RORC: variants seen among roughly 807,000 people sequenced by gnomAD.
RORC encodes the protein nuclear receptor ROR-gamma.
RORC carries 13 observed loss-of-function variants against 64.5 expected under a neutral mutation model. The observed-to-expected ratio is 0.20, with a 90% CI of 0.13 to 0.32. The LOEUF (loss-of-function observed/expected upper bound fraction) is 0.32. RORC is among the 10% of genes least tolerant of loss of function. The pLI, the probability that RORC is intolerant of heterozygous loss-of-function variation, is 1.00. For synonymous variants in RORC, 277 were observed against 259.3 expected (o/e 1.07, Z -0.65); for missense variants, 468 against 669.5 (o/e 0.70, Z 3.32).
Position 151,814,690 on chromosome 1 carries a change from G to C in RORC, c.817C>G (p.Leu273Val). ...TAGGACTTGCAGACGCTCTGCACCA[G>C]GTGCTCTGGGGCCGGAGAAGGAAGG... is the stretch of plus-strand genomic sequence containing the variant. Reference protein sequence around the residue: ...PYASLTEIEHLVQSVCKSYRE... With the variant: ...PYASLTEIEHVVQSVCKSYRE... The change falls in exon 6 of 11, where the codon CTG (leucine) becomes GTG (valine). Residue 273 changes from leucine to valine, a missense_variant. This residue lies in a region of RORC where 241 missense variants were observed against 295.5 expected (regional missense o/e 0.82). Coordinates refer to ENST00000318247, the MANE Select transcript of RORC (RefSeq NM_005060.4). 6.2e-7 allele frequency: 1 copy of C among 1,606,044 alleles called. No individual in the cohort carries two copies. Among genetic ancestry groups the C allele is most frequent in the Non-Finnish European group, 8.5e-7 (1 of 1,173,770 alleles).
intron 2 of RORC, among the ~76,000 whole-genome samples, chr1:151,826,470 G>T (rs986336148): frequency 3.3e-5 from 5 of 152,184 alleles, no homozygotes; most frequent in African/African-American, 1.2e-4. Context: ...GTCTGCCTGG[G>T]GTGGTGGCAT....
chr1:151,810,695 C>T (rs967863495), intron 10 of RORC, among the ~76,000 whole-genome samples: 1 of 152,134 alleles, frequency 6.6e-6, no homozygotes, highest in African/African-American at 2.4e-5. Flanking sequence ...CCATGCCTGG[C>T]TAATTTTTTT....
At chr1:151,810,845 G>A (rs1651496429) in intron 10 of RORC, among the ~76,000 whole-genome samples, 1 of 152,220 alleles carries the variant, frequency 6.6e-6, no homozygotes, top group Admixed American at 6.5e-5. Context: ...TACACAGGGA[G>A]ATTTGAACAC....
rs201734595 is a variant in RORC at position 151,807,332 on chromosome 1, C to T, written c.*140G>A. On this transcript the variant is annotated 3_prime_UTR_variant, in exon 11 of 11. Transcript: ENST00000318247. The surrounding 1 kb of genome is among the most constrained non-coding windows in gnomAD (Gnocchi z 5.0). ...GCCGGCCTGCTGACAGAAAGCCAGC[C>T]GCAGCATCTGCTCACTTCCAAAGAG... is the stretch of plus-strand genomic sequence containing the variant. The T allele has an allele frequency of 9.3e-5, 73 of 786,922 alleles. 1 individual carries two copies. The highest frequency in any genetic ancestry group is 3.5e-4 in the African/African-American group (20 of 57,388). The allele number at this position is 786,922 out of a possible 1,614,324, so 48.7% of individuals were successfully genotyped here.
chr1:151,809,517 A>G (rs1558162678), intron 10 of RORC, among the ~76,000 whole-genome samples: 1 of 151,820 alleles, frequency 6.6e-6, no homozygotes, highest in Non-Finnish European at 1.5e-5. Flanking sequence ...TGGTTGCTAC[A>G]GGGCAGATGA....
chr1:151,811,295 G>T, intron 10 of RORC, 30 bp downstream of exon 10: 1 of 1,452,006 alleles, frequency 6.9e-7, no homozygotes, highest in Non-Finnish European at 9.7e-7. Flanking sequence ...CGATGGGCCT[G>T]GCCTCTTCTA....
Position 151,813,644 on chromosome 1 carries a change from G to A in RORC, c.934-24C>T, listed in dbSNP as rs755054393. 95 of 1,612,800 alleles carry A rather than the reference G, an allele frequency of 5.9e-5. 1 individual carries two copies. The Admixed American group carries it at 1.3e-3, about 21-fold the overall frequency. On this transcript the variant is annotated intron_variant, in intron 6 of 10. Coordinates refer to ENST00000318247, the MANE Select transcript of RORC (RefSeq NM_005060.4). Reference sequence around the variant, plus strand: ...GACTGCAGGGAGGGAGGAGGGTCCCGCTGTAGCGCTCTGTGTGGCCCTGTG... The same window carrying A: ...GACTGCAGGGAGGGAGGAGGGTCCCACTGTAGCGCTCTGTGTGGCCCTGTG...
In RORC at chr1:151,807,603, A is replaced by G; in HGVS notation, c.1426T>C (p.Cys476Arg). The change falls in exon 11 of 11, where the codon TGT (cysteine) becomes CGT (arginine). Residue 476 changes from cysteine to arginine, a missense_variant. Around this residue, in one of 5 missense-constraint regions of RORC, gnomAD observed 93 missense variants for 116.6 expected, o/e 0.80. Coordinates refer to ENST00000318247, the MANE Select transcript of RORC (RefSeq NM_005060.4). The surrounding 1 kb of genome is among the most constrained non-coding windows in gnomAD (Gnocchi z 5.0). The stretch of plus-strand genomic sequence containing the variant: ...TGCAGCCTTTCCACATGCTGGCTAC[A>G]CAGGCTCCGAAGCTTCCCCTTGGGT... The part of the protein sequence containing the change: ...LPPKGKLRSL[C>R]SQHVERLQIF... 1 of 1,614,236 alleles carries G rather than the reference A, an allele frequency of 6.2e-7. No individual in the cohort carries two copies.
intron 10 of RORC, among the ~76,000 whole-genome samples, chr1:151,810,071 A>G (rs1369700805): frequency 6.6e-6 from 1 of 152,088 alleles, no homozygotes; most frequent in African/African-American, 2.4e-5. Flanking sequence ...GTGATTCTCC[A>G]CATACACACT....
rs1414846886 is a variant in RORC at position 151,830,072 on chromosome 1, T to A, written c.41-614A>T. 6.6e-6 allele frequency among the ~76,000 whole-genome samples: 1 copy of A among 152,002 alleles called. No homozygotes were observed. The highest frequency in any genetic ancestry group is 2.4e-5 in the African/African-American group (1 of 41,360). ...AATCTCTTGGTTGCTTATCTATGCCTGAAAACACCAGGGCTTCAGAGATGT... is the reference window on the plus strand; with the variant it reads ...AATCTCTTGGTTGCTTATCTATGCCAGAAAACACCAGGGCTTCAGAGATGT... On this transcript the variant is annotated intron_variant, in intron 1 of 10. Coordinates refer to ENST00000318247, the MANE Select transcript of RORC (RefSeq NM_005060.4). The surrounding 1 kb of genome is among the most constrained non-coding windows in gnomAD (Gnocchi z 4.0).
intron 2 of RORC, among the ~76,000 whole-genome samples, chr1:151,826,273 C>T (rs1425301386): frequency 1.3e-5 from 2 of 152,144 alleles, no homozygotes; most frequent in African/African-American, 2.4e-5. Flanking sequence ...AAACCACATG[C>T]GACAGCCACA....
Position 151,812,956 on chromosome 1 carries a change from T to A in RORC, c.1276A>T (p.Ile426Phe), listed in dbSNP as rs199979672. 3.7e-6 allele frequency: 6 copies of A among 1,610,520 alleles called. No individual in the cohort carries two copies. The highest frequency in any genetic ancestry group is 5.1e-6 in the Non-Finnish European group (6 of 1,176,808). The change falls in exon 9 of 11, where the codon ATC (isoleucine) becomes TTC (phenylalanine). Residue 426 changes from isoleucine to phenylalanine, a missense_variant. Physicochemically the swap from Ile to Phe is conservative, Grantham distance 21. Coordinates refer to ENST00000318247, the MANE Select transcript of RORC (RefSeq NM_005060.4). ...GCCCAGCAACACTCACGGGCATTGA[T>A]GAGAACAAGGGCTGTGTAGAGGGCA... ...EIALYTALVL[I>F]NAHRPGLQEK...
At chr1:151,823,301 C>A (rs76990585) in intron 2 of RORC, among the ~76,000 whole-genome samples, 2 of 152,130 alleles carry the variant, frequency 1.3e-5, no homozygotes, top group East Asian at 1.9e-4. Context: ...CGGCCTCCCA[C>A]CTCCCCATCC....
chr1:151,813,028 C>T lies in RORC; in HGVS notation c.1204G>A (p.Asp402Asn). The change falls in exon 9 of 11, where the codon GAC (aspartate) becomes AAC (asparagine). Residue 402 changes from aspartate to asparagine, a missense_variant. Asp to Asn is a conservative substitution (Grantham distance 23). This residue lies in a region of RORC where 100 missense variants were observed against 190.8 expected (regional missense o/e 0.52). Transcript: ENST00000318247. ...AAGGCACTTAGGGAGTGGGAGAAGT[C>T]AAAGATGGAGCTGATGAGCTCGCTG... ...GCSELISSIF[D>N]FSHSLSALHF... The T allele has an allele frequency of 1.2e-6, 2 of 1,613,948 alleles. No homozygotes were observed. The highest frequency in any genetic ancestry group is 1.7e-6 in the Non-Finnish European group (2 of 1,179,916).
intron 2 of RORC, chr1:151,825,957 G>C (rs199545313): frequency 3.7e-6 from 6 of 1,613,112 alleles, no homozygotes; most frequent in Non-Finnish European, 5.1e-6. Flanking sequence ...TGGCTCTGCC[G>C]GCCTTGGCTC....
intron 9 of RORC, chr1:151,812,005 A>T (rs1335263583): frequency 6.6e-6 from 1 of 152,262 alleles, no homozygotes; most frequent in Admixed American, 6.5e-5. Flanking sequence ...AGCTTGACCC[A>T]CTTCCCTAGG....
At chr1:151,824,119 A>T (rs905107616) in intron 2 of RORC, among the ~76,000 whole-genome samples, 2 of 152,068 alleles carry the variant, frequency 1.3e-5, no homozygotes, top group South Asian at 2.1e-4. Context: ...CCCAAGCCCC[A>T]TGTGCTTTGA....
At chr1:151,809,174 A>G (rs1440907963) in intron 10 of RORC, among the ~76,000 whole-genome samples, 1 of 152,126 alleles carries the variant, frequency 6.6e-6, no homozygotes, top group East Asian at 1.9e-4. Context: ...CAAGGTGGGC[A>G]GATCACCTGA....
intron 2 of RORC, among the ~76,000 whole-genome samples, chr1:151,821,955 G>C (rs1471081834): frequency 1.3e-5 from 2 of 152,210 alleles, no homozygotes; most frequent in East Asian, 3.9e-4. Context: ...CTAAGGCCAA[G>C]TGGGATGACT....
Sources: allele counts gnomAD v4.1 joint callset (sites outside exome capture counted in the v4.1 genomes callset), GRCh38; gene constraint gnomAD v4.1.1; regional missense constraint gnomAD v4.1.1; non-coding constraint Gnocchi (gnomAD v3.1); transcripts MANE v1.5; gene names NCBI Gene and HGNC (gene_info 2026-07-23, HGNC 2026-07-21).